Variants in ABCA1 observed in about 807,000 individuals in gnomAD.
The protein encoded by ABCA1 is ATP binding cassette subfamily A member 1.
Under a neutral mutation model 262.5 loss-of-function variants are expected in ABCA1, and 133 were observed. The observed-to-expected ratio is 0.51, with a 90% CI of 0.44 to 0.59. The LOEUF (loss-of-function observed/expected upper bound fraction) is 0.59. Ranked by LOEUF, ABCA1 falls within the 20% of genes least tolerant of loss-of-function variation. The pLI, the probability that ABCA1 is intolerant of heterozygous loss-of-function variation, is 0.00. For synonymous variants in ABCA1, 1,022 were observed against 1,043.5 expected (o/e 0.98, Z 0.40); for missense variants, 2,452 against 2,777.5 (o/e 0.88, Z 2.63).
chr9:104,859,091 C>CT (rs1564191805), intron 6 of ABCA1, among the ~76,000 whole-genome samples: 2 of 152,166 alleles, frequency 1.3e-5, no homozygotes, highest in African/African-American at 4.8e-5. Context: ...TTTATGTTGT[C>CT]TTTAAGTAGG....
chr9:104,786,691 G>C (rs1217759994), intron 47 of ABCA1, among the ~76,000 whole-genome samples, 182 bp downstream of exon 47: 1 of 152,234 alleles, frequency 6.6e-6, no homozygotes, highest in African/African-American at 2.4e-5. Context: ...AATATATTAA[G>C]TGAAAAAGAG....
rs771180332 is a variant in ABCA1, at chr9:104,816,161, T to C, written c.3720A>G (p.Ser1240=). 6.2e-7 allele frequency: 1 copy of C among 1,613,990 alleles called. No homozygotes were observed. The highest frequency in any genetic ancestry group is 2.2e-5 in the East Asian group (1 of 44,892). ...SDLGISSYGI[S]ETTLEEIFLK... ...AACTTACTTCTTCCAGGGTCGTCTC[T>C]GAGATGCCATAACTAGAAATGCCCA... The change falls in exon 25 of 50, where the codon TCA becomes TCG. Residue 1240 remains serine (S), a synonymous_variant. Coordinates refer to ENST00000374736, the MANE Select transcript of ABCA1 (RefSeq NM_005502.4).
intron 27 of ABCA1, 127 bp downstream of exon 27, chr9:104,813,991 A>T (rs1481063838): frequency 4.2e-6 from 4 of 956,154 alleles, no homozygotes; most frequent in African/African-American, 3.2e-5. Context: ...CCATTTCCTC[A>T]CTTCTCTTTG....
chr9:104,842,387 T>G (rs1356631107), intron 8 of ABCA1, among the ~76,000 whole-genome samples: 1 of 152,124 alleles, frequency 6.6e-6, no homozygotes, highest in Non-Finnish European at 1.5e-5. Context: ...AAACACTCAC[T>G]TCTCTTTCCA....
intron 16 of ABCA1, among the ~76,000 whole-genome samples, chr9:104,826,572 C>T (rs1312605031): frequency 6.6e-6 from 1 of 152,172 alleles, no homozygotes; most frequent in Non-Finnish European, 1.5e-5. Flanking sequence ...GTTTTCAGTT[C>T]TATTTGTGGC....
chr9:104,882,763 C>G (rs1017248771), intron 5 of ABCA1, among the ~76,000 whole-genome samples: 2 of 152,278 alleles, frequency 1.3e-5, no homozygotes, highest in Non-Finnish European at 2.9e-5. Context: ...ATCTGCACCC[C>G]TAGCTGTCCC....
intron 1 of ABCA1, among the ~76,000 whole-genome samples, chr9:104,909,547 C>T (rs1841369122): frequency 6.6e-6 from 1 of 151,368 alleles, no homozygotes; most frequent in Admixed American, 6.6e-5. Context: ...TTTACTTTTC[C>T]CTAAACCAAA....
chr9:104,876,928 G>C (rs1375412764), intron 5 of ABCA1, among the ~76,000 whole-genome samples: 1 of 152,192 alleles, frequency 6.6e-6, no homozygotes, highest in African/African-American at 2.4e-5. Context: ...TTGGTAGGGG[G>C]CTCTCTTTTT....
At position 104,832,696 on chromosome 9, in the gene ABCA1, T is replaced by A. The variant is rs770978809; in HGVS notation, c.1387A>T (p.Ile463Phe). 1.9e-6 allele frequency: 3 copies of A among 1,614,192 alleles called. No homozygotes were observed. The highest frequency in any genetic ancestry group is 2.5e-6 in the Non-Finnish European group (3 of 1,180,038). The change falls in exon 12 of 50, where the codon ATC (isoleucine) becomes TTC (phenylalanine). Residue 463 changes from isoleucine (I) to phenylalanine (F), a missense_variant. Physicochemically the swap from Ile to Phe is conservative, Grantham distance 21 (BLOSUM62 0). This residue lies in a region of ABCA1 where 1,032 missense variants were observed against 1,089.7 expected (regional missense o/e 0.95). Coordinates refer to ENST00000374736, the MANE Select transcript of ABCA1 (RefSeq NM_005502.4). ...LDGLDWTAQDIVAFLAKHPED... is the reference protein window; with the variant it reads ...LDGLDWTAQDFVAFLAKHPED... The stretch of plus-strand genomic sequence containing the variant: ...GGGTGCTTGGCCAAAAACGCCACGA[T>A]GTCTTGGGCTGTCCAATCTAAGCCA...
chr9:104,788,434 C>T lies in ABCA1; in HGVS notation c.6061G>A (p.Val2021Ile). The T allele has an allele frequency of 6.2e-7, 1 of 1,614,112 alleles. No homozygotes were observed. The highest frequency in any genetic ancestry group is 8.5e-7 in the Non-Finnish European group (1 of 1,179,978). Reference sequence around the variant, plus strand: ...TCAGGTGCCCACAGTACCTTGCCAACTTCTTTCTCTGGGACTCCTCTCAAA... The same window carrying T: ...TCAGGTGCCCACAGTACCTTGCCAATTTCTTTCTCTGGGACTCCTCTCAAA... Reference protein sequence around the residue: ...ALLRGVPEKEVGKVGEWAIRK... With the variant: ...ALLRGVPEKEIGKVGEWAIRK... The change falls in exon 45 of 50, where the codon GTT (valine) becomes ATT (isoleucine). Residue 2021 changes from valine (V) to isoleucine (I), a missense_variant. By Grantham distance (29) the Val-to-Ile change is conservative (BLOSUM62 3). Transcript: ENST00000374736.
intron 25 of ABCA1, among the ~76,000 whole-genome samples, chr9:104,815,600 A>T (rs1831675713): frequency 6.6e-6 from 1 of 152,218 alleles, no homozygotes; most frequent in Non-Finnish European, 1.5e-5. Flanking sequence ...CAGTGATTAA[A>T]AAAAAATCAA....
chr9:104,789,370 T>G (rs141566813), intron 44 of ABCA1, among the ~76,000 whole-genome samples: 11 of 152,340 alleles, frequency 7.2e-5, no homozygotes, highest in African/African-American at 2.4e-4. Context: ...AGGAAAGCAG[T>G]TGTGCAGCGC....
Position 104,814,117 on chromosome 9 carries a change from C to T in ABCA1, c.3901+1G>A, listed in dbSNP as rs1831517921. The T allele has an allele frequency of 3.1e-6, 5 of 1,613,920 alleles. No homozygotes were observed. Among genetic ancestry groups the T allele is most frequent in the Non-Finnish European group, 2.5e-6 (3 of 1,179,980 alleles). ...CACTGTTTGATCTTGCCCTAACAGACCTGGGTCTATGTCAGAATCATTTGG... is the reference window on the plus strand; with the variant it reads ...CACTGTTTGATCTTGCCCTAACAGATCTGGGTCTATGTCAGAATCATTTGG... On this transcript the variant is annotated splice_donor_variant, in intron 27 of 49. Transcript: ENST00000374736. LOFTEE classifies it high-confidence loss of function.
At chr9:104,858,465 C>G (rs1425081397) in intron 7 of ABCA1, 57 bp downstream of exon 7, 1 of 1,555,146 alleles carries the variant, frequency 6.4e-7, no homozygotes, top group African/African-American at 1.4e-5. Context: ...CAAGGAAAAG[C>G]CTCACATTCC....
intron 2 of ABCA1, 106 bp downstream of exon 2, chr9:104,903,508 T>C: frequency 8.2e-7 from 1 of 1,218,918 alleles, no homozygotes; most frequent in East Asian, 2.5e-5. Flanking sequence ...AATCCCTGTG[T>C]GAAAACCAAC....
chr9:104,864,640 C>T (rs1057349248), intron 5 of ABCA1, among the ~76,000 whole-genome samples: 1 of 152,050 alleles, frequency 6.6e-6, no homozygotes, highest in African/African-American at 2.4e-5. Flanking sequence ...TTAGCTAACC[C>T]TCACTGACTA....
chr9:104,785,393 T>C lies in ABCA1; in HGVS notation c.6645+3A>G, dbSNP rs1423402108. ...TAAATCTGTTTTGACACTCAAAGCT[T>C]ACTTGGTCAAGTGTTGTCTGAGAAA... On this transcript the variant is annotated splice_donor_region_variant and intron_variant, in intron 49 of 49. Coordinates refer to ENST00000374736, the MANE Select transcript of ABCA1 (RefSeq NM_005502.4). The C allele has an allele frequency of 6.2e-7, 1 of 1,613,834 alleles. No homozygotes were observed. The highest frequency in any genetic ancestry group is 8.5e-7 in the Non-Finnish European group (1 of 1,179,890).
At chr9:104,839,158 G>A (rs1564161708) in intron 9 of ABCA1, among the ~76,000 whole-genome samples, 2 of 152,208 alleles carry the variant, frequency 1.3e-5, no homozygotes, top group South Asian at 2.1e-4. Context: ...CTGCCACGAG[G>A]CATACGGCAC....
intron 1 of ABCA1, among the ~76,000 whole-genome samples, chr9:104,905,894 C>G (rs1164019399): frequency 1.3e-5 from 2 of 152,176 alleles, no homozygotes; most frequent in Non-Finnish European, 2.9e-5. Flanking sequence ...GAATTAGCCC[C>G]GGCTTCCCAA....
Sources: gnomAD v4.1 joint callset for allele counts (sites outside exome capture counted in the v4.1 genomes callset) on GRCh38, gnomAD v4.1.1 for gene constraint, gnomAD v4.1.1 regional missense constraint, MANE v1.5 for transcripts, NCBI Gene and HGNC (gene_info 2026-07-23, HGNC 2026-07-21) for gene names.